RAPGEF1: variants seen among roughly 807,000 people sequenced by gnomAD.
The protein encoded by RAPGEF1 is CRK SH3-binding GNRP.
A neutral mutation model predicts 143.3 loss-of-function variants in RAPGEF1; 33 were observed. That is an observed-to-expected ratio of 0.23 (90% CI 0.17 to 0.31). The LOEUF (loss-of-function observed/expected upper bound fraction) is 0.31. Ranked by LOEUF, RAPGEF1 falls within the 10% of genes least tolerant of loss-of-function variation. RAPGEF1 has a pLI of 1.00. For missense variants in RAPGEF1, 1,199 were observed against 1,645.4 expected, an observed-to-expected ratio of 0.73 and a Z score of 4.69; for synonymous variants, 629 against 676.5, an observed-to-expected ratio of 0.93 and a Z score of 1.09.
At chr9:131,587,618 G>T (rs140839896) in intron 22 of RAPGEF1, 118 bp downstream of exon 22, 2 of 930,788 alleles carry the variant, frequency 2.1e-6, no homozygotes, top group African/African-American at 1.7e-5. Context: ...GGAGCTTAGC[G>T]GAATGAAAGA....
intron 19 of RAPGEF1, 24 bp from the exon 20 acceptor site, chr9:131,589,010 T>C (rs919171081): frequency 1.9e-6 from 3 of 1,606,288 alleles, no homozygotes; most frequent in Non-Finnish European, 2.6e-6. Context: ...GAGCACAAGG[T>C]GAGGAGCAGG....
rs745560855 is a variant in RAPGEF1 at position 131,621,952 on chromosome 9, G to A, written c.1749C>T (p.Pro583=). 27 of 1,613,646 alleles carry A rather than the reference G, an allele frequency of 1.7e-5. No homozygotes were observed. Among genetic ancestry groups the A allele is most frequent in the Middle Eastern group, 1.6e-4 (1 of 6,084 alleles). The part of the protein sequence containing the change: ...QLLEDYSEPQ[P]SMFYQTPQNE... Reference sequence around the variant, plus strand: ...TCTGTGGCGTCTGGTAGAACATAGAGGGCTGCGGCTCCGAGTAGTCCTCCA... The same window carrying A: ...TCTGTGGCGTCTGGTAGAACATAGAAGGCTGCGGCTCCGAGTAGTCCTCCA... The change falls in exon 11 of 27, where the codon CCC becomes CCT. Residue 583 remains proline, a synonymous_variant. Transcript: ENST00000683357. The surrounding 1 kb of genome is among the most constrained non-coding windows in gnomAD (Gnocchi z 4.5).
intron 1 of RAPGEF1, among the ~76,000 whole-genome samples, chr9:131,733,887 G>A (rs1297049472): frequency 6.6e-6 from 1 of 152,118 alleles, no homozygotes; most frequent in Non-Finnish European, 1.5e-5. Context: ...AAGGTCTCTT[G>A]GCTACAAGGA....
chr9:131,607,636 C>A (rs1014980773), intron 12 of RAPGEF1, among the ~76,000 whole-genome samples: 2 of 152,144 alleles, frequency 1.3e-5, no homozygotes, highest in Non-Finnish European at 2.9e-5. Flanking sequence ...GTGGCTCAAT[C>A]TTTTGTAGCC....
chr9:131,659,135 C>G (rs1973308625), intron 1 of RAPGEF1, among the ~76,000 whole-genome samples: 1 of 152,218 alleles, frequency 6.6e-6, no homozygotes, highest in South Asian at 2.1e-4. Flanking sequence ...TAAACATTCC[C>G]CATTTTCCAA....
chr9:131,730,921 G>T (rs922775008), intron 1 of RAPGEF1, among the ~76,000 whole-genome samples: 3 of 152,070 alleles, frequency 2.0e-5, no homozygotes, highest in Non-Finnish European at 4.4e-5. Context: ...GGATGATGGG[G>T]TGTCCTGTTA....
Position 131,665,382 on chromosome 9 carries a change from T to C in RAPGEF1, c.62-14433A>G, listed in dbSNP as rs1043455134. 2.6e-5 allele frequency among the ~76,000 whole-genome samples: 4 copies of C among 152,138 alleles called. No homozygotes were observed. In the South Asian group the frequency reaches 6.2e-4, roughly 24 times the overall value. ...GCAAATCCTGTGAGTTCTACCTTAA[T>C]GGTACATTCAGAATCCACCACTTCT... On this transcript the variant is annotated intron_variant, in intron 1 of 26. Transcript: ENST00000683357.
chr9:131,654,605 G>A (rs112403336), intron 1 of RAPGEF1, among the ~76,000 whole-genome samples: 115 of 152,276 alleles, frequency 7.6e-4, no homozygotes, highest in African/African-American at 2.5e-3. Context: ...AGGAGGCTGA[G>A]GTGGGAGGAC....
chr9:131,646,340 C>G (rs2133366969), intron 3 of RAPGEF1, among the ~76,000 whole-genome samples: 1 of 152,294 alleles, frequency 6.6e-6, no homozygotes, highest in Middle Eastern at 3.4e-3. Flanking sequence ...GAATAAAGAC[C>G]AGATCAGAAA....
At chr9:131,708,037 C>T (rs1234684835) in intron 1 of RAPGEF1, among the ~76,000 whole-genome samples, 7 of 152,082 alleles carry the variant, frequency 4.6e-5, no homozygotes, top group Non-Finnish European at 1.0e-4. Context: ...AGTACCCTTT[C>T]CAAAGTAACA....
intron 1 of RAPGEF1, among the ~76,000 whole-genome samples, chr9:131,700,970 C>T (rs1440403089): frequency 6.6e-6 from 1 of 152,068 alleles, no homozygotes; most frequent in East Asian, 1.9e-4. Context: ...ATATTCATGA[C>T]TTGGCACTTT....
chr9:131,710,273 C>T (rs777858540), intron 1 of RAPGEF1, among the ~76,000 whole-genome samples: 5 of 152,020 alleles, frequency 3.3e-5, no homozygotes, highest in African/African-American at 7.2e-5. Context: ...AAACACAAAA[C>T]GAAACAAAAC....
chr9:131,716,699 C>G (rs973166819), intron 1 of RAPGEF1, among the ~76,000 whole-genome samples: 2 of 152,072 alleles, frequency 1.3e-5, no homozygotes, highest in Non-Finnish European at 2.9e-5. Context: ...CTTGAGCCTG[C>G]GAGGCAGAGG....
At chr9:131,629,299 G>A (rs1386488466) in intron 6 of RAPGEF1, 45 bp from the exon 7 acceptor site, 1 of 1,577,446 alleles carries the variant, frequency 6.3e-7, no homozygotes. Context: ...GTCAAAGGCG[G>A]GACAGAGCAC....
chr9:131,586,373 C>CA lies in RAPGEF1; in HGVS notation c.3233+1362_3233+1363insT, dbSNP rs1491153920. The stretch of plus-strand genomic sequence containing the variant: ...TCTCAAACACACACACACACACACA[C>CA]CCACCTGCAGAGCGAGACTCCGTCT... On this transcript the variant is annotated intron_variant, in intron 22 of 26. Transcript: ENST00000683357. Among the ~76,000 whole-genome samples, 140 of 113,380 alleles carry CA rather than the reference C, an allele frequency of 1.2e-3. 3 individuals are homozygous for CA. The highest frequency in any genetic ancestry group is 4.6e-3 in the African/African-American group (124 of 26,722). The allele number at this position is 113,380 out of a possible 152,430, so 74.4% of individuals were successfully genotyped here.
Position 131,604,985 on chromosome 9 carries a change from GCTCTC to G in RAPGEF1, c.2260_2264del (p.Glu754GlnfsTer17). The G allele has an allele frequency of 1.5e-6, 2 of 1,338,510 alleles. No individual in the cohort carries two copies. Among genetic ancestry groups the G allele is most frequent in the Non-Finnish European group, 2.0e-6 (2 of 1,008,142 alleles). 82.9% of individuals were successfully genotyped at this position (1,338,510 alleles called of 1,614,324 possible). ...GGCAGACAGTATTCCCATGAAAGCTGCTCTCCTGAGAAGCCGAGAGAGGCCCGTCC... is the reference window on the plus strand; with the variant it reads ...GGCAGACAGTATTCCCATGAAAGCTGCTGAGAAGCCGAGAGAGGCCCGTCC... On this transcript the variant is annotated frameshift_variant, in exon 13 of 27. Coordinates refer to ENST00000683357, the MANE Select transcript of RAPGEF1 (RefSeq NM_001377935.1). LOFTEE classifies it high-confidence loss of function.
intron 1 of RAPGEF1, among the ~76,000 whole-genome samples, chr9:131,660,063 CCGCCTCGGCCT>C (rs1453901827): frequency 6.6e-6 from 1 of 152,184 alleles, no homozygotes; most frequent in Non-Finnish European, 1.5e-5. Flanking sequence ...CGTGATCCGC[CCGCCTCGGCCT>C]CGCAAAGTGC....
rs751310649 is a variant in RAPGEF1 at position 131,604,070 on chromosome 9, G to A, written c.2320-17C>T. 1.8e-5 allele frequency: 24 copies of A among 1,304,790 alleles called. No homozygotes were observed. The highest frequency in any genetic ancestry group is 8.8e-5 in the Admixed American group (4 of 45,200). 80.8% of individuals were successfully genotyped at this position (1,304,790 alleles called of 1,614,324 possible). A position where few individuals can be genotyped will look rare whatever the true frequency, so the allele number is the denominator to read the frequency against. On this transcript the variant is annotated splice_polypyrimidine_tract_variant and intron_variant, in intron 13 of 26. Coordinates refer to ENST00000683357, the MANE Select transcript of RAPGEF1 (RefSeq NM_001377935.1). Reference sequence around the variant, plus strand: ...GTTTTCACTCTGGGGGAGACAGGACGAGAGGAAAGACACATGGGCCAGGCC... The same window carrying A: ...GTTTTCACTCTGGGGGAGACAGGACAAGAGGAAAGACACATGGGCCAGGCC...
chr9:131,657,384 A>T (rs1972775235), intron 1 of RAPGEF1, among the ~76,000 whole-genome samples: 1 of 152,230 alleles, frequency 6.6e-6, no homozygotes, highest in Non-Finnish European at 1.5e-5. Flanking sequence ...CTCTCTTGCT[A>T]TTCCCCTGCT....
Sources: gnomAD v4.1 joint callset for allele counts (sites outside exome capture counted in the v4.1 genomes callset) on GRCh38, gnomAD v4.1.1 for gene constraint, Gnocchi (gnomAD v3.1) non-coding constraint, MANE v1.5 for transcripts, NCBI Gene and HGNC (gene_info 2026-07-23, HGNC 2026-07-21) for gene names.